Variants in RYR3 observed in about 807,000 individuals in gnomAD.
The protein encoded by RYR3 is ryanodine receptor 3, also known as brain ryanodine receptor-calcium release channel.
In RYR3, 207 loss-of-function variants were observed where a neutral mutation model predicts 584.3. The observed-to-expected ratio is 0.35, with a 90% CI of 0.32 to 0.40. RYR3 has a LOEUF of 0.40. Among genes scored for constraint, RYR3 ranks in the 10% least tolerant of loss-of-function variants. The probability of loss-of-function intolerance (pLI) is 1.00; values close to 1 mark genes in which losing one functional copy is unlikely to be tolerated. For missense variants in RYR3, 5,616 were observed against 6,089.2 expected (o/e 0.92, Z 2.59); for synonymous variants, 2,416 against 2,248.5 (o/e 1.07, Z -2.11).
chr15:33,747,023 C>T (rs1424718327), intron 53 of RYR3, among the ~76,000 whole-genome samples: 1 of 151,622 alleles, frequency 6.6e-6, no homozygotes, highest in Non-Finnish European at 1.5e-5. Context: ...GTTGGCCAGG[C>T]TGGTCTTGAA....
chr15:33,477,030 C>T (rs2049445359), intron 2 of RYR3, among the ~76,000 whole-genome samples: 1 of 152,188 alleles, frequency 6.6e-6, no homozygotes, highest in Non-Finnish European at 1.5e-5. Context: ...CATCAAATTT[C>T]TCAACGAGCT....
chr15:33,782,641 A>G (rs1447750360), intron 65 of RYR3, among the ~76,000 whole-genome samples: 2 of 152,180 alleles, frequency 1.3e-5, no homozygotes, highest in African/African-American at 4.8e-5. Flanking sequence ...TGAGGGATAA[A>G]GGGCGGGGAG....
chr15:33,776,506 T>C (rs558541382), intron 64 of RYR3, among the ~76,000 whole-genome samples: 1 of 152,340 alleles, frequency 6.6e-6, no homozygotes, highest in African/African-American at 2.4e-5. Flanking sequence ...GTTTTCTACT[T>C]CATGCTTTAA....
chr15:33,430,169 C>A (rs2045009645), intron 1 of RYR3, among the ~76,000 whole-genome samples: 1 of 152,254 alleles, frequency 6.6e-6, no homozygotes, highest in African/African-American at 2.4e-5. Flanking sequence ...TGCAGCAAAG[C>A]CAAACACTTA....
At chr15:33,518,304 T>C (rs2053688798) in intron 3 of RYR3, among the ~76,000 whole-genome samples, 2 of 152,250 alleles carry the variant, frequency 1.3e-5, no homozygotes, top group African/African-American at 4.8e-5. Context: ...ATTACATTAA[T>C]GGTAACCACC....
intron 95 of RYR3, 123 bp from the exon 96 acceptor site, chr15:33,853,432 C>A: frequency 8.0e-7 from 1 of 1,243,786 alleles, no homozygotes; most frequent in Non-Finnish European, 1.1e-6. Flanking sequence ...GCATTTTGAA[C>A]TATGTCTTCA....
intron 65 of RYR3, among the ~76,000 whole-genome samples, chr15:33,785,147 AGTT>A (rs2074627637): frequency 6.6e-6 from 1 of 152,160 alleles, no homozygotes; most frequent in Admixed American, 6.5e-5. Context: ...CTGGATGGAA[AGTT>A]GTTGTTTCTG....
At chr15:33,467,603 G>A (rs192045913) in intron 1 of RYR3, 52 of 350,756 alleles carry the variant, frequency 1.5e-4, no homozygotes, top group African/African-American at 1.1e-3. Flanking sequence ...GATGACCTGT[G>A]ACAATGTGAA....
intron 16 of RYR3, among the ~76,000 whole-genome samples, chr15:33,596,264 C>T (rs560779408): frequency 6.6e-6 from 1 of 151,412 alleles, no homozygotes; most frequent in Admixed American, 6.6e-5. Context: ...TGGAAAATAC[C>T]CAAATAGTGA....
Position 33,736,269 on chromosome 15 carries a change from C to T in RYR3, c.7459C>T (p.Arg2487Ter), listed in dbSNP as rs982640281. ...LRPSMLQQLL[R>*]RLVFDVPQLN... ...GCCTTCCATGTTACAGCAACTCCTG[C>T]GACGCCTCGTTTTTGATGTGCCGCA... Residue 2487 changes from arginine (R) to a stop codon, truncating the protein, a stop_gained, in exon 49 of 104, where the codon CGA becomes TGA. Transcript: ENST00000634891. LOFTEE classifies it high-confidence loss of function. 6.2e-7 allele frequency: 1 copy of T among 1,613,032 alleles called. No homozygotes were observed. The highest frequency in any genetic ancestry group is 8.5e-7 in the Non-Finnish European group (1 of 1,179,478).
intron 52 of RYR3, among the ~76,000 whole-genome samples, chr15:33,743,561 C>T (rs1356393825): frequency 2.6e-5 from 4 of 152,154 alleles, no homozygotes; most frequent in Non-Finnish European, 4.4e-5. Flanking sequence ...AGAGCATCTG[C>T]GTTTTCTGAG....
At chr15:33,857,259 C>G (rs1256711876) in intron 98 of RYR3, among the ~76,000 whole-genome samples, 8 of 240 alleles carry the variant, frequency 0.033, no homozygotes, top group African/African-American at 0.037. Context: ...AGCACCAGCA[C>G]CTGGTCTCCT....
intron 1 of RYR3, among the ~76,000 whole-genome samples, chr15:33,337,758 C>A (rs1333442525): frequency 6.6e-6 from 1 of 152,102 alleles, no homozygotes; most frequent in Non-Finnish European, 1.5e-5. Context: ...CAATTCCTCC[C>A]AGTGGAGCCT....
chr15:33,364,307 C>A (rs937426774), intron 1 of RYR3, among the ~76,000 whole-genome samples: 1 of 152,066 alleles, frequency 6.6e-6, no homozygotes, highest in Non-Finnish European at 1.5e-5. Flanking sequence ...CCATCACAAA[C>A]CTGTTCACTC....
intron 71 of RYR3, 103 bp from the exon 72 acceptor site, chr15:33,810,875 A>G: frequency 8.7e-7 from 1 of 1,144,678 alleles, no homozygotes; most frequent in Non-Finnish European, 1.3e-6. Context: ...CTTCTGATAA[A>G]GATCCCAGTG....
intron 90 of RYR3, among the ~76,000 whole-genome samples, chr15:33,841,626 CAGA>C (rs1234908349): frequency 1.3e-5 from 2 of 152,172 alleles, no homozygotes; most frequent in Non-Finnish European, 2.9e-5. Flanking sequence ...AGTCTAATTT[CAGA>C]AGAAGAGTAC....
chr15:33,522,116 AG>A (rs2054042189), intron 3 of RYR3, among the ~76,000 whole-genome samples: 2 of 129,360 alleles, frequency 1.5e-5, no homozygotes, highest in African/African-American at 5.4e-5. Flanking sequence ...AAAAAAAACT[AG>A]CCAGGTGTGG....
At chr15:33,395,073 G>A (rs1381447412) in intron 1 of RYR3, among the ~76,000 whole-genome samples, 1 of 152,154 alleles carries the variant, frequency 6.6e-6, no homozygotes, top group Non-Finnish European at 1.5e-5. Context: ...AGAACCTCTG[G>A]GCTAGACAAT....
intron 1 of RYR3, among the ~76,000 whole-genome samples, chr15:33,372,457 T>G (rs1167571969): frequency 2.0e-5 from 3 of 147,676 alleles, no homozygotes; most frequent in African/African-American, 7.5e-5. Context: ...CTCCACCTCC[T>G]GGGTTCACAC....
Sources: allele counts gnomAD v4.1 joint callset (sites outside exome capture counted in the v4.1 genomes callset), GRCh38; gene constraint gnomAD v4.1.1; transcripts MANE v1.5; gene names NCBI Gene and HGNC (gene_info 2026-07-23, HGNC 2026-07-21).